Variants in DOCK3 observed in about 807,000 individuals in gnomAD.
DOCK3 encodes the protein dedicator of cytokinesis 3, also known as dedicator of cytokinesis protein 3.
Under a neutral mutation model 265.6 loss-of-function variants are expected in DOCK3, and 60 were observed. The observed-to-expected ratio is 0.23, with a 90% CI of 0.18 to 0.28. The LOEUF (loss-of-function observed/expected upper bound fraction) is 0.28. DOCK3 is among the 10% of genes least tolerant of loss of function. The pLI, the probability that DOCK3 is intolerant of heterozygous loss-of-function variation, is 1.00. For missense variants in DOCK3, 1,981 were observed against 2,594.3 expected (o/e 0.76, Z 5.14); for synonymous variants, 881 against 938.0 (o/e 0.94, Z 1.11).
At chr3:51,119,778 C>T (rs2083928343) in intron 9 of DOCK3, among the ~76,000 whole-genome samples, 1 of 151,866 alleles carries the variant, frequency 6.6e-6, no homozygotes, top group African/African-American at 2.4e-5. Flanking sequence ...GTGTATGCTT[C>T]ACAAAGTTCT....
intron 7 of DOCK3, among the ~76,000 whole-genome samples, chr3:51,082,874 G>T (rs1314596699): frequency 2.0e-5 from 3 of 152,208 alleles, no homozygotes; most frequent in South Asian, 2.1e-4. Context: ...GCCATCCAGG[G>T]TGATCAGCCT....
At chr3:51,294,677 C>CAAAAAAAAAAAAAAAAAAAAAAAAA (rs59339067) in intron 27 of DOCK3, among the ~76,000 whole-genome samples, 1 of 119,868 alleles carries the variant, frequency 8.3e-6, no homozygotes, top group African/African-American at 3.2e-5. Context: ...GACTCTATCT[C>CAAAAAAAAAAAAAAAAAAAAAAAAA]AAAAAAAAAA....
chr3:50,861,496 A>G (rs1410203773), intron 3 of DOCK3, among the ~76,000 whole-genome samples: 1 of 152,116 alleles, frequency 6.6e-6, no homozygotes, highest in Admixed American at 6.5e-5. Flanking sequence ...TCTCTGCCTC[A>G]GTGATGTGTC....
chr3:51,288,891 TGTGTGTGTGTGG>T (rs1268644364), intron 27 of DOCK3, among the ~76,000 whole-genome samples: 1 of 149,260 alleles, frequency 6.7e-6, no homozygotes, highest in East Asian at 1.9e-4. Flanking sequence ...TGTGGGTGTG[TGTGTGTGTGTGG>T]GTGTGTGTGT....
intron 32 of DOCK3, among the ~76,000 whole-genome samples, chr3:51,318,158 C>T (rs2083476524): frequency 6.6e-6 from 1 of 152,034 alleles, no homozygotes; most frequent in Non-Finnish European, 1.5e-5. Context: ...GCAGGTGGAA[C>T]ATTTGAGATC....
At chr3:50,997,716 G>A (rs920565952) in intron 5 of DOCK3, among the ~76,000 whole-genome samples, 3 of 152,080 alleles carry the variant, frequency 2.0e-5, no homozygotes, top group African/African-American at 4.8e-5. Context: ...TGAATGCACC[G>A]CCCCACCCAC....
chr3:51,011,046 C>G (rs1330755884), intron 5 of DOCK3, among the ~76,000 whole-genome samples: 1 of 152,114 alleles, frequency 6.6e-6, no homozygotes, highest in Non-Finnish European at 1.5e-5. Flanking sequence ...TCTGGCTGCC[C>G]TTAACATGTT....
chr3:50,967,510 T>G (rs1007794469), intron 5 of DOCK3, among the ~76,000 whole-genome samples: 1 of 152,180 alleles, frequency 6.6e-6, no homozygotes, highest in African/African-American at 2.4e-5. Context: ...TTTGGATAAA[T>G]ACCCATATTA....
At chr3:50,778,988 C>T (rs1415398621) in intron 2 of DOCK3, among the ~76,000 whole-genome samples, 1 of 152,096 alleles carries the variant, frequency 6.6e-6, no homozygotes, top group Non-Finnish European at 1.5e-5. Flanking sequence ...GCTGTCAGAA[C>T]ACGTTTTTTA....
At chr3:50,689,793 GC>G (rs1477301786) in intron 1 of DOCK3, among the ~76,000 whole-genome samples, 1 of 152,212 alleles carries the variant, frequency 6.6e-6, no homozygotes, top group Non-Finnish European at 1.5e-5. Context: ...TATCGTTGAA[GC>G]TTTGCTTCTT....
intron 2 of DOCK3, among the ~76,000 whole-genome samples, chr3:50,828,518 C>T (rs183192110): frequency 2.0e-5 from 3 of 152,092 alleles, no homozygotes; most frequent in Admixed American, 1.3e-4. Context: ...AATTCTCATG[C>T]CTCAGCCTCC....
At chr3:51,190,338 G>A (rs2087870918) in intron 12 of DOCK3, among the ~76,000 whole-genome samples, 1 of 152,134 alleles carries the variant, frequency 6.6e-6, no homozygotes, top group Non-Finnish European at 1.5e-5. Flanking sequence ...CTGTCCTCAA[G>A]TCTCCCACCA....
At chr3:50,963,004 T>C (rs1315027428) in intron 5 of DOCK3, among the ~76,000 whole-genome samples, 2 of 152,126 alleles carry the variant, frequency 1.3e-5, no homozygotes, top group Non-Finnish European at 2.9e-5. Flanking sequence ...CTGGCCAAGA[T>C]GGCGAAACCC....
chr3:51,295,353 G>C (rs1343565306), intron 27 of DOCK3, among the ~76,000 whole-genome samples: 1 of 152,204 alleles, frequency 6.6e-6, no homozygotes, highest in African/African-American at 2.4e-5. Context: ...TTAACAACCA[G>C]CTGTCATGGG....
At position 50,922,934 on chromosome 3, in the gene DOCK3, C is replaced by T. The variant is rs144637600; in HGVS notation, c.219-11047C>T. Reference sequence around the variant, plus strand: ...CCTCTCCCCCTTCCCACCTTTTCCCCGAGTCCCCAAAGTCCATTGTATCAT... The same window carrying T: ...CCTCTCCCCCTTCCCACCTTTTCCCTGAGTCCCCAAAGTCCATTGTATCAT... On this transcript the variant is annotated intron_variant, in intron 4 of 52. Transcript: ENST00000266037. Among the ~76,000 whole-genome samples, 358 of 152,084 alleles carry T rather than the reference C, an allele frequency of 2.4e-3. 3 individuals carry two copies. The highest frequency in any genetic ancestry group is 7.9e-3 in the African/African-American group (328 of 41,498).
At chr3:51,104,236 T>C (rs2083190252) in intron 9 of DOCK3, among the ~76,000 whole-genome samples, 1 of 152,170 alleles carries the variant, frequency 6.6e-6, no homozygotes, top group Non-Finnish European at 1.5e-5. Context: ...GATACCAGTG[T>C]CATTGGAACA....
intron 5 of DOCK3, among the ~76,000 whole-genome samples, chr3:51,013,632 C>A (rs557774870): frequency 1.3e-5 from 2 of 152,190 alleles, no homozygotes; most frequent in Non-Finnish European, 2.9e-5. Context: ...CGGTCAGGGA[C>A]CAACTTGAGT....
chr3:51,041,650 A>G (rs751172810), intron 5 of DOCK3, among the ~76,000 whole-genome samples: 73 of 152,140 alleles, frequency 4.8e-4, no homozygotes, highest in African/African-American at 1.7e-3. Flanking sequence ...ATCTTAGGTA[A>G]CTAGGTGTAC....
chr3:51,008,395 G>A (rs751400012), intron 5 of DOCK3, among the ~76,000 whole-genome samples: 5 of 152,182 alleles, frequency 3.3e-5, no homozygotes, highest in Non-Finnish European at 7.3e-5. Flanking sequence ...AAGCAATTGT[G>A]AATGGGAGTT....
Sources: allele counts gnomAD v4.1 joint callset (sites outside exome capture counted in the v4.1 genomes callset), GRCh38; gene constraint gnomAD v4.1.1; transcripts MANE v1.5; gene names NCBI Gene and HGNC (gene_info 2026-07-23, HGNC 2026-07-21).